Variants in IQSEC1 observed in about 807,000 individuals in gnomAD.
IQSEC1 encodes the protein IQ motif and Sec7 domain ArfGEF 1.
IQSEC1 carries 31 observed loss-of-function variants against 91.0 expected under a neutral mutation model. The ratio of observed to expected loss-of-function variants is 0.34; its 90% CI spans 0.26 to 0.46. The LOEUF is 0.46. IQSEC1 is among the 20% of genes least tolerant of loss of function. The probability of loss-of-function intolerance (pLI) is 1.00; values close to 1 mark genes in which losing one functional copy is unlikely to be tolerated. For missense variants in IQSEC1, 1,388 were observed against 1,575.6 expected (o/e 0.88, Z 2.02); for synonymous variants, 699 against 662.6 (o/e 1.05, Z -0.84).
At chr3:12,933,877 C>T (rs1205418645) in intron 3 of IQSEC1, among the ~76,000 whole-genome samples, 1 of 152,236 alleles carries the variant, frequency 6.6e-6, no homozygotes, top group Non-Finnish European at 1.5e-5. Flanking sequence ...TAAAAGTTAA[C>T]TGAATAAGAA....
rs71306032 is a variant in IQSEC1, at chr3:12,956,702, C to T, written c.24-14837G>A. ...CTCTGTCCACCTGTGAGAATGCCAA[C>T]CTGAGTTTGGAGGAATGCCCAATGG... On this transcript the variant is annotated intron_variant, in intron 1 of 13. Transcript: ENST00000613206. Among the ~76,000 whole-genome samples the T allele has an allele frequency of 4.0e-3, 616 of 152,334 alleles. 4 individuals are homozygous for T. Among genetic ancestry groups the T allele is most frequent in the Non-Finnish European group, 6.3e-3 (431 of 68,032 alleles).
chr3:13,204,538 C>G (rs909678962), intron 1 of IQSEC1, among the ~76,000 whole-genome samples: 3 of 152,226 alleles, frequency 2.0e-5, no homozygotes, highest in Admixed American at 6.5e-5. Context: ...GAGCGGCTCA[C>G]GCTGCGCCTC....
chr3:12,935,400 C>T lies in IQSEC1; in HGVS notation c.1568+48G>A. 1.3e-6 allele frequency: 2 copies of T among 1,560,516 alleles called. No individual in the cohort carries two copies. Among genetic ancestry groups the T allele is most frequent in the South Asian group, 2.4e-5 (2 of 84,818 alleles). ...TGCAGCCACGCCCACCCGCCAAGGC[C>T]CAGCAAGCCACAGCTGCCCACCCTG... is the stretch of plus-strand genomic sequence containing the variant. On this transcript the variant is annotated intron_variant, in intron 3 of 13. Coordinates refer to ENST00000613206, the MANE Select transcript of IQSEC1 (RefSeq NM_001134382.3). This position sits in a 1 kb window ranked among gnomAD's most constrained non-coding sequence, Gnocchi z 8.0.
chr3:13,157,121 C>T (rs1392134202), intron 2 of IQSEC1, among the ~76,000 whole-genome samples: 1 of 152,220 alleles, frequency 6.6e-6, no homozygotes, highest in Non-Finnish European at 1.5e-5. Flanking sequence ...TGCACACATA[C>T]ACATTGTGTC....
At position 13,282,429 on chromosome 3, in the gene IQSEC1, C is replaced by G. The variant is rs1359159553; in HGVS notation, c.272+282G>C. Among the ~76,000 whole-genome samples, 1 of 152,118 alleles carries G rather than the reference C, an allele frequency of 6.6e-6. No homozygotes were observed. Among genetic ancestry groups the G allele is most frequent in the Non-Finnish European group, 1.5e-5 (1 of 68,000 alleles). On this transcript the variant is annotated intron_variant, in intron 1 of 15. Coordinates refer to the IQSEC1 transcript ENST00000648114. The surrounding 1 kb of genome is among the most constrained non-coding windows in gnomAD (Gnocchi z 6.4). Reference sequence around the variant, plus strand: ...CCGGGGGTCGCCAACCCTGAGTCCGCGCCGCAGCGCAGAGCCAGGCCGGCG... The same window carrying G: ...CCGGGGGTCGCCAACCCTGAGTCCGGGCCGCAGCGCAGAGCCAGGCCGGCG...
At chr3:13,006,783 A>C (rs165572) in intron 1 of IQSEC1, among the ~76,000 whole-genome samples, 147,608 of 152,338 alleles carry the variant, frequency 0.97, 71,555 homozygotes, top group East Asian at 1. Context: ...GGGGCATGAG[A>C]AGTGTCCATG....
At chr3:13,010,986 A>C (rs1559717451) in intron 1 of IQSEC1, among the ~76,000 whole-genome samples, 1 of 151,940 alleles carries the variant, frequency 6.6e-6, no homozygotes, top group African/African-American at 2.4e-5. Flanking sequence ...AAGCCTCCCC[A>C]CACTTCCTCC....
At chr3:13,194,310 G>A (rs73134120) in intron 1 of IQSEC1, among the ~76,000 whole-genome samples, 8,352 of 152,124 alleles carry the variant, frequency 0.055, 439 homozygotes, top group African/African-American at 0.14. Context: ...GCTGCCTCCC[G>A]GCTGGGCTGC....
chr3:13,191,407 C>G (rs181426138), intron 1 of IQSEC1, among the ~76,000 whole-genome samples: 48 of 151,698 alleles, frequency 3.2e-4, no homozygotes, highest in African/African-American at 1.1e-3. Context: ...GTTTCGGGCA[C>G]TGCCTCCACC....
intron 2 of IQSEC1, among the ~76,000 whole-genome samples, chr3:13,125,676 A>C (rs1706501248): frequency 6.6e-6 from 1 of 152,232 alleles, no homozygotes; most frequent in African/African-American, 2.4e-5. Context: ...ATGAGATAAC[A>C]GCATCATCCA....
intron 1 of IQSEC1, among the ~76,000 whole-genome samples, chr3:13,185,038 C>A (rs528302928): frequency 6.6e-6 from 1 of 152,230 alleles, no homozygotes; most frequent in East Asian, 1.9e-4. Flanking sequence ...AGTCGGAGAC[C>A]ACAGATGCCA....
intron 1 of IQSEC1, among the ~76,000 whole-genome samples, chr3:13,171,596 A>C (rs1317800614): frequency 6.6e-6 from 1 of 152,202 alleles, no homozygotes; most frequent in East Asian, 1.9e-4. Context: ...AGGTACCCGA[A>C]GACCTCAGCT....
intron 2 of IQSEC1, among the ~76,000 whole-genome samples, chr3:13,094,123 A>G (rs1705915316): frequency 6.6e-6 from 1 of 152,172 alleles, no homozygotes; most frequent in South Asian, 2.1e-4. Context: ...GAGAGAGAGA[A>G]CCGTGACATC....
In IQSEC1 at chr3:13,207,067, G is replaced by A. The variant is rs1180146225; in HGVS notation, c.273-42934C>T. Among the ~76,000 whole-genome samples, 2 of 152,108 alleles carry A rather than the reference G, an allele frequency of 1.3e-5. No individual in the cohort carries two copies. The highest frequency in any genetic ancestry group is 4.1e-4 in the South Asian group (2 of 4,820). On this transcript the variant is annotated intron_variant, in intron 1 of 15. Coordinates refer to the IQSEC1 transcript ENST00000648114. The surrounding 1 kb of genome is among the most constrained non-coding windows in gnomAD (Gnocchi z 4.8). ...TTAGCCAGGACAGCATCTGAGCTTC[G>A]TAGACCTGGGCAGGGCTGTTGGGAG...
chr3:13,045,674 C>T (rs11719999), intron 1 of IQSEC1, among the ~76,000 whole-genome samples: 2 of 152,228 alleles, frequency 1.3e-5, no homozygotes, highest in East Asian at 3.9e-4. Flanking sequence ...CTGGGCTGGC[C>T]TCGAGCAGGG....
chr3:13,140,158 G>T (rs1281380669), intron 2 of IQSEC1, among the ~76,000 whole-genome samples: 1 of 152,138 alleles, frequency 6.6e-6, no homozygotes, highest in African/African-American at 2.4e-5. Context: ...CCTCCAGGCA[G>T]TCTTCCTTGC....
intron 1 of IQSEC1, among the ~76,000 whole-genome samples, chr3:13,240,611 T>G (rs1695005444): frequency 6.6e-6 from 1 of 152,128 alleles, no homozygotes; most frequent in Non-Finnish European, 1.5e-5. Flanking sequence ...CTAAAATGCA[T>G]GCCCCTCAGC....
At chr3:13,041,220 GC>G (rs1310513868) in intron 1 of IQSEC1, among the ~76,000 whole-genome samples, 2 of 86,926 alleles carry the variant, frequency 2.3e-5, no homozygotes, top group East Asian at 1.1e-3. Flanking sequence ...AAGCCTGGGG[GC>G]GGGGGGTGGG....
In IQSEC1 at chr3:12,967,627, G is replaced by A. The variant is rs935187717; in HGVS notation, c.24-25762C>T. 7.1e-5 allele frequency: 87 copies of A among 1,232,624 alleles called. No individual in the cohort carries two copies. In the East Asian group the frequency reaches 2.9e-3, roughly 41 times the overall value. The allele number at this position is 1,232,624 out of a possible 1,614,324, so 76.4% of individuals were successfully genotyped here. A position where few individuals can be genotyped will look rare whatever the true frequency, so the allele number is the denominator to read the frequency against. ...TGGTCCAGCGTCCGCCGGCTCCCGCGGCTCCGGCCCCAAGTCCGAGCCCCA... is the reference window on the plus strand; with the variant it reads ...TGGTCCAGCGTCCGCCGGCTCCCGCAGCTCCGGCCCCAAGTCCGAGCCCCA... On this transcript the variant is annotated intron_variant, in intron 1 of 13. Transcript: ENST00000613206. This position sits in a 1 kb window ranked among gnomAD's most constrained non-coding sequence, Gnocchi z 5.9.
Sources: gnomAD v4.1 joint callset for allele counts (sites outside exome capture counted in the v4.1 genomes callset) on GRCh38, gnomAD v4.1.1 for gene constraint, Gnocchi (gnomAD v3.1) non-coding constraint, MANE v1.5 for transcripts, NCBI Gene and HGNC (gene_info 2026-07-23, HGNC 2026-07-21) for gene names.